Variants in ARMH3 observed in about 807,000 individuals in gnomAD.
ARMH3 encodes the protein armadillo like helical domain containing 3.
In ARMH3, 60 loss-of-function variants were observed where a neutral mutation model predicts 99.1. The ratio of observed to expected loss-of-function variants is 0.61; its 90% CI spans 0.49 to 0.75. The LOEUF is 0.75. ARMH3 is among the 30% of genes least tolerant of loss of function. ARMH3 has a pLI of 0.00. For synonymous variants in ARMH3, 285 were observed against 292.8 expected, an observed-to-expected ratio of 0.97 and a Z score of 0.27; for missense variants, 679 against 843.1, an observed-to-expected ratio of 0.81 and a Z score of 2.41.
intron 23 of ARMH3, chr10:101,913,209 G>C (rs903895978): frequency 5.2e-5 from 8 of 152,390 alleles, no homozygotes; most frequent in African/African-American, 1.7e-4. Context: ...TTGAACTCCT[G>C]GGCTCAAGTG....
At chr10:101,975,033 G>A (rs1443647038) in intron 20 of ARMH3, among the ~76,000 whole-genome samples, 179 bp downstream of exon 20, 5 of 22,438 alleles carry the variant, frequency 2.2e-4, no homozygotes, top group South Asian at 1.3e-3. Context: ...GTCTGGATTC[G>A]AAAAAAGCTA....
At chr10:101,991,761 T>C (rs974410443) in intron 18 of ARMH3, among the ~76,000 whole-genome samples, 1 of 152,184 alleles carries the variant, frequency 6.6e-6, no homozygotes, top group Non-Finnish European at 1.5e-5. Flanking sequence ...ACTTTTTTCT[T>C]TGAACAACAG....
chr10:102,054,048 T>C (rs2067776218), intron 1 of ARMH3, among the ~76,000 whole-genome samples: 1 of 152,190 alleles, frequency 6.6e-6, no homozygotes, highest in South Asian at 2.1e-4. Flanking sequence ...AGATTCCAAA[T>C]TTCATAATGA....
intron 23 of ARMH3, among the ~76,000 whole-genome samples, chr10:101,909,407 C>T (rs1590002026): frequency 6.8e-6 from 1 of 147,678 alleles, no homozygotes; most frequent in Admixed American, 6.7e-5. Context: ...AACCCTAAAC[C>T]CTATCTCAAA....
chr10:102,012,383 G>A (rs1197539343), intron 10 of ARMH3, among the ~76,000 whole-genome samples: 1 of 152,166 alleles, frequency 6.6e-6, no homozygotes, highest in Non-Finnish European at 1.5e-5. Flanking sequence ...GGAAGTTGAG[G>A]TTCATTCCCA....
intron 1 of ARMH3, among the ~76,000 whole-genome samples, chr10:102,042,035 AAAT>A (rs1376668507): frequency 4.6e-5 from 7 of 152,236 alleles, no homozygotes; most frequent in Admixed American, 4.6e-4. Flanking sequence ...CTGATGAAAA[AAAT>A]AATAACAATA....
intron 1 of ARMH3, among the ~76,000 whole-genome samples, chr10:102,046,355 AAAAG>A (rs1413950381): frequency 6.6e-6 from 1 of 151,792 alleles, no homozygotes; most frequent in South Asian, 2.1e-4. Context: ...AAAAAAAAGA[AAAAG>A]AAAAGAAAAG....
At chr10:101,941,480 T>C (rs1445206400) in intron 22 of ARMH3, among the ~76,000 whole-genome samples, 1 of 152,220 alleles carries the variant, frequency 6.6e-6, no homozygotes, top group Non-Finnish European at 1.5e-5. Context: ...TATGTACGCC[T>C]GACCAAGATT....
chr10:101,915,586 C>T (rs1843043332), intron 23 of ARMH3, among the ~76,000 whole-genome samples: 2 of 152,054 alleles, frequency 1.3e-5, no homozygotes, highest in Non-Finnish European at 1.5e-5. Flanking sequence ...TCACTGGAGA[C>T]GTGGCAGAAA....
intron 23 of ARMH3, among the ~76,000 whole-genome samples, chr10:101,934,690 A>G (rs1248257124): frequency 6.6e-6 from 1 of 152,182 alleles, no homozygotes; most frequent in Non-Finnish European, 1.5e-5. Context: ...AATGCTCATT[A>G]AGTGAAAAGC....
chr10:101,953,903 G>A (rs1844910869), intron 22 of ARMH3, among the ~76,000 whole-genome samples: 1 of 152,082 alleles, frequency 6.6e-6, no homozygotes, highest in Non-Finnish European at 1.5e-5. Context: ...ATAAAAACCT[G>A]GGTTCATGCT....
chr10:101,911,807 G>A (rs1298612951), intron 23 of ARMH3, among the ~76,000 whole-genome samples: 4 of 151,934 alleles, frequency 2.6e-5, no homozygotes, highest in African/African-American at 7.2e-5. Context: ...GAGGCAAGGC[G>A]GGTGGATCAC....
chr10:102,053,705 G>C (rs2067766983), intron 1 of ARMH3, among the ~76,000 whole-genome samples: 1 of 151,168 alleles, frequency 6.6e-6, no homozygotes, highest in Non-Finnish European at 1.5e-5. Flanking sequence ...TGTCGCCCAG[G>C]CTGGAGTGCA....
intron 8 of ARMH3, among the ~76,000 whole-genome samples, chr10:102,016,205 A>G (rs1012389996): frequency 1.3e-5 from 2 of 152,190 alleles, no homozygotes; most frequent in Non-Finnish European, 1.5e-5. Flanking sequence ...ACATTTTGGA[A>G]TATGTGCATT....
intron 24 of ARMH3, among the ~76,000 whole-genome samples, chr10:101,854,855 A>C (rs2066694228): frequency 6.6e-6 from 1 of 151,792 alleles, no homozygotes; most frequent in South Asian, 2.1e-4. Context: ...GGATAACATG[A>C]GATTAACGAT....
intron 2 of ARMH3, among the ~76,000 whole-genome samples, chr10:102,035,773 G>T (rs1238752926): frequency 6.6e-6 from 1 of 152,220 alleles, no homozygotes; most frequent in African/African-American, 2.4e-5. Flanking sequence ...CCTCCCAGCC[G>T]CCTGCCTTGG....
chr10:101,905,341 T>C (rs1368129673), intron 23 of ARMH3, among the ~76,000 whole-genome samples: 3 of 152,188 alleles, frequency 2.0e-5, no homozygotes, highest in African/African-American at 2.4e-5. Context: ...GGGCAGGAAT[T>C]ACGGAAGTAA....
At chr10:102,008,255 TG>T (rs1224749317) in intron 13 of ARMH3, among the ~76,000 whole-genome samples, 5 of 152,258 alleles carry the variant, frequency 3.3e-5, no homozygotes, top group Non-Finnish European at 4.4e-5. Flanking sequence ...ACCTTATTTT[TG>T]TGTTAAAATT....
At chr10:102,025,380 A>T (rs985924686) in intron 5 of ARMH3, 132 bp from the exon 6 acceptor site, 20 of 644,552 alleles carry the variant, frequency 3.1e-5, no homozygotes, top group Non-Finnish European at 5.2e-5. Context: ...TTAGGCCCAG[A>T]ACTTACAAGA....
Sources: allele counts gnomAD v4.1 joint callset (sites outside exome capture counted in the v4.1 genomes callset), GRCh38; gene constraint gnomAD v4.1.1; transcripts MANE v1.5; gene names NCBI Gene and HGNC (gene_info 2026-07-23, HGNC 2026-07-21).